JPH3: variants seen among roughly 807,000 people sequenced by gnomAD.
JPH3 encodes junctophilin 3, also known as junctophilin-3.
In JPH3, 11 loss-of-function variants were observed where a neutral mutation model predicts 59.6. The observed-to-expected ratio is 0.18, with a 90% CI of 0.12 to 0.31. The LOEUF is 0.31. JPH3 is among the 10% of genes least tolerant of loss of function. The pLI, the probability that JPH3 is intolerant of heterozygous loss-of-function variation, is 1.00. For synonymous variants in JPH3, 673 were observed against 483.6 expected, an observed-to-expected ratio of 1.39 and a Z score of -5.14; for missense variants, 1,202 against 1,105.7, an observed-to-expected ratio of 1.09 and a Z score of -1.24.
At chr16:87,678,951 C>G (rs2033218816) in intron 2 of JPH3, among the ~76,000 whole-genome samples, 2 of 152,158 alleles carry the variant, frequency 1.3e-5, no homozygotes, top group Admixed American at 1.3e-4. Context: ...ATTTTGGACT[C>G]CGGGACTGCA....
intron 1 of JPH3, among the ~76,000 whole-genome samples, chr16:87,620,035 G>C (rs1207829586): frequency 6.6e-6 from 1 of 152,162 alleles, no homozygotes; most frequent in African/African-American, 2.4e-5. Context: ...GGGTGTGCCA[G>C]AGCCAGTCCA....
intron 1 of JPH3, among the ~76,000 whole-genome samples, chr16:87,629,137 C>T (rs1373509039): frequency 1.3e-5 from 2 of 152,010 alleles, no homozygotes; most frequent in South Asian, 2.1e-4. Context: ...CTCTGAGCCT[C>T]TGTGTGTCAT....
At chr16:87,691,491 G>A (rs924546506) in intron 4 of JPH3, among the ~76,000 whole-genome samples, 18 of 152,272 alleles carry the variant, frequency 1.2e-4, no homozygotes, top group African/African-American at 3.1e-4. Flanking sequence ...CGCTCAGGGC[G>A]TGTGGGCCGG....
intron 2 of JPH3, chr16:87,654,676 T>TA (rs889026257): frequency 8.1e-4 from 123 of 152,366 alleles, no homozygotes; most frequent in African/African-American, 2.9e-3. Context: ...GTCATGACCA[T>TA]CAGCACCTCA....
Position 87,684,848 on chromosome 16 carries a change from A to T in JPH3, c.1285+582A>T, listed in dbSNP as rs548346088. 3.7e-4 allele frequency among the ~76,000 whole-genome samples: 53 copies of T among 143,896 alleles called. No individual in the cohort carries two copies. In the South Asian group the frequency reaches 0.012, roughly 32 times the overall value. The allele number at this position is 143,896 out of a possible 152,430, so 94.4% of individuals were successfully genotyped here. A position where few individuals can be genotyped will look rare whatever the true frequency, so the allele number is the denominator to read the frequency against. On this transcript the variant is annotated intron_variant, in intron 3 of 4. Transcript: ENST00000284262. ...CTTCGAGGGGGGGATCATGGGTGAT[A>T]CGGCCCAGTGACAGTGGCGGGGGCG...
rs544757646 is a variant in JPH3, at chr16:87,681,523, G to C, written c.1161-2619G>C. 1.1e-3 allele frequency among the ~76,000 whole-genome samples: 150 copies of C among 136,280 alleles called. 1 individual carries two copies. The highest frequency in any genetic ancestry group is 2.1e-3 in the Non-Finnish European group (136 of 63,452). The allele number at this position is 136,280 out of a possible 152,430, so 89.4% of individuals were successfully genotyped here. A position where few individuals can be genotyped will look rare whatever the true frequency, so the allele number is the denominator to read the frequency against. On this transcript the variant is annotated intron_variant, in intron 2 of 4. Coordinates refer to ENST00000284262, the MANE Select transcript of JPH3 (RefSeq NM_020655.4). Reference sequence around the variant, plus strand: ...CGGTGGTGACAGTGCCGGGAGGTCAGGTGCGCGCGGTCGTGACAGTGCCGG... The same window carrying C: ...CGGTGGTGACAGTGCCGGGAGGTCACGTGCGCGCGGTCGTGACAGTGCCGG...
At chr16:87,667,558 G>A (rs1051978821) in intron 2 of JPH3, among the ~76,000 whole-genome samples, 2 of 152,172 alleles carry the variant, frequency 1.3e-5, no homozygotes, top group South Asian at 2.1e-4. Flanking sequence ...TGGGTTCACG[G>A]GCACAGGACA....
chr16:87,624,313 C>T (rs1597242555), intron 1 of JPH3, among the ~76,000 whole-genome samples: 1 of 152,214 alleles, frequency 6.6e-6, no homozygotes, highest in Non-Finnish European at 1.5e-5. Context: ...GCTACCCCTT[C>T]CCCATTCCCA....
chr16:87,681,146 G>C (rs565091474), intron 2 of JPH3, among the ~76,000 whole-genome samples: 1 of 151,450 alleles, frequency 6.6e-6, no homozygotes, highest in Non-Finnish European at 1.5e-5. Flanking sequence ...GGTGATGACA[G>C]TTCCGGAAGG....
At chr16:87,639,811 G>T (rs1464838343) in intron 1 of JPH3, among the ~76,000 whole-genome samples, 2 of 152,202 alleles carry the variant, frequency 1.3e-5, no homozygotes, top group Admixed American at 6.5e-5. Flanking sequence ...CGGCCTCAAG[G>T]CTCATCCAGG....
chr16:87,678,205 C>T (rs2033198395), intron 2 of JPH3, among the ~76,000 whole-genome samples: 2 of 152,064 alleles, frequency 1.3e-5, no homozygotes, highest in African/African-American at 4.8e-5. Context: ...TGTGCCACTG[C>T]ACTCCAGCCT....
intron 1 of JPH3, among the ~76,000 whole-genome samples, chr16:87,638,710 C>T (rs1241305924): frequency 6.6e-6 from 1 of 152,120 alleles, no homozygotes; most frequent in East Asian, 1.9e-4. Flanking sequence ...GGCCTCTGGT[C>T]TCCATGTCTG....
intron 4 of JPH3, among the ~76,000 whole-genome samples, chr16:87,690,979 G>C (rs1240237779): frequency 6.6e-6 from 1 of 152,186 alleles, no homozygotes; most frequent in Non-Finnish European, 1.5e-5. Context: ...TCTGGGGTTG[G>C]GGGGAGCTGC....
chr16:87,677,036 G>C (rs2033158150), intron 2 of JPH3, among the ~76,000 whole-genome samples: 1 of 151,654 alleles, frequency 6.6e-6, no homozygotes, highest in Admixed American at 6.6e-5. Flanking sequence ...GCGGGCGCCT[G>C]TAGTCCCAGC....
intron 2 of JPH3, among the ~76,000 whole-genome samples, chr16:87,658,057 C>G (rs2032566457): frequency 6.6e-6 from 1 of 152,178 alleles, no homozygotes; most frequent in Non-Finnish European, 1.5e-5. Flanking sequence ...CTGGTCTTCA[C>G]AAGATGGTCT....
chr16:87,692,320 T>C (rs2033612826), intron 4 of JPH3, among the ~76,000 whole-genome samples: 1 of 152,140 alleles, frequency 6.6e-6, no homozygotes, highest in East Asian at 1.9e-4. Flanking sequence ...CCAGGCCCTG[T>C]TGGTGGGAAG....
At chr16:87,673,488 T>G (rs1376066776) in intron 2 of JPH3, among the ~76,000 whole-genome samples, 1 of 152,196 alleles carries the variant, frequency 6.6e-6, no homozygotes, top group Non-Finnish European at 1.5e-5. Flanking sequence ...GCGGCACTTC[T>G]GGAAGTATCT....
In JPH3 at chr16:87,676,396, C is replaced by T. The variant is rs539689852; in HGVS notation, c.1161-7746C>T. 9.9e-5 allele frequency among the ~76,000 whole-genome samples: 15 copies of T among 152,234 alleles called. No individual in the cohort carries two copies. The South Asian group carries it at 1.0e-3, about 11-fold the overall frequency. On this transcript the variant is annotated intron_variant, in intron 2 of 4. Transcript: ENST00000284262. ...GACTTCAGACTCTTCTTCAGGTTTA[C>T]GGTATATAAATATATCATTTACGGT...
At chr16:87,668,835 T>C (rs554668056) in intron 2 of JPH3, among the ~76,000 whole-genome samples, 10 of 152,120 alleles carry the variant, frequency 6.6e-5, no homozygotes, top group Non-Finnish European at 1.3e-4. Context: ...GGGATGTCCC[T>C]GTGGAGCCCT....
Sources: gnomAD v4.1 joint callset for allele counts (sites outside exome capture counted in the v4.1 genomes callset) on GRCh38, gnomAD v4.1.1 for gene constraint, MANE v1.5 for transcripts, NCBI Gene and HGNC (gene_info 2026-07-23, HGNC 2026-07-21) for gene names.